The following STXBP4 variants were observed in gnomAD, a reference collection of about 807,000 sequenced individuals.
STXBP4 encodes syntaxin binding protein 4, also known as syntaxin-binding protein 4.
STXBP4 carries 55 observed loss-of-function variants against 76.1 expected under a neutral mutation model. The observed-to-expected ratio is 0.72, with a 90% CI of 0.58 to 0.91. The LOEUF (loss-of-function observed/expected upper bound fraction) is 0.91. Ranked by LOEUF, STXBP4 falls within the 40% of genes least tolerant of loss-of-function variation. The probability of loss-of-function intolerance (pLI) is 0.00; values close to 1 mark genes in which losing one functional copy is unlikely to be tolerated. For missense variants in STXBP4, 618 were observed against 636.9 expected, an observed-to-expected ratio of 0.97 and a Z score of 0.32; for synonymous variants, 201 against 220.2, an observed-to-expected ratio of 0.91 and a Z score of 0.77.
intron 8 of STXBP4, among the ~76,000 whole-genome samples, chr17:55,020,236 C>T (rs1191123203): frequency 1.3e-5 from 2 of 152,168 alleles, no homozygotes; most frequent in Non-Finnish European, 2.9e-5. Flanking sequence ...GCATTTTCAA[C>T]TCTTTCTTCT....
chr17:54,983,326 T>C (rs2077576770), intron 1 of STXBP4, among the ~76,000 whole-genome samples: 1 of 152,218 alleles, frequency 6.6e-6, no homozygotes, highest in Non-Finnish European at 1.5e-5. Context: ...TCTTGTTAAG[T>C]ATATTATATG....
intron 8 of STXBP4, among the ~76,000 whole-genome samples, chr17:55,012,884 T>A (rs2078139334): frequency 6.6e-6 from 1 of 152,172 alleles, no homozygotes; most frequent in South Asian, 2.1e-4. Context: ...AGAAATTATT[T>A]GTTGACAGTT....
chr17:55,090,910 G>C (rs2079405838), intron 16 of STXBP4, among the ~76,000 whole-genome samples: 1 of 150,470 alleles, frequency 6.6e-6, no homozygotes, highest in Non-Finnish European at 1.5e-5. Flanking sequence ...TAAAAAACAA[G>C]AAAGGAATAT....
chr17:55,089,249 A>G (rs775958780), intron 16 of STXBP4, among the ~76,000 whole-genome samples: 2 of 152,158 alleles, frequency 1.3e-5, no homozygotes, highest in Non-Finnish European at 2.9e-5. Flanking sequence ...GTGCCACATT[A>G]TTGTTATTTA....
chr17:55,012,454 C>G (rs529855481), intron 8 of STXBP4, among the ~76,000 whole-genome samples: 104 of 152,170 alleles, frequency 6.8e-4, no homozygotes, highest in Non-Finnish European at 1.0e-3. Context: ...CTTTTCTTTC[C>G]TTTCTGATGA....
chr17:55,102,128 CA>C (rs1307073623), intron 16 of STXBP4, among the ~76,000 whole-genome samples: 45 of 151,280 alleles, frequency 3.0e-4, no homozygotes, highest in African/African-American at 1.1e-3. Flanking sequence ...TGTGAACTCT[CA>C]TTTTTTTTTT....
intron 4 of STXBP4, 104 bp downstream of exon 4, chr17:54,991,061 A>C: frequency 1.6e-6 from 2 of 1,243,316 alleles, no homozygotes; most frequent in Non-Finnish European, 2.1e-6. Context: ...CACTGTGACC[A>C]TACCTCAGTG....
intron 16 of STXBP4, among the ~76,000 whole-genome samples, chr17:55,119,944 T>C (rs984682372): frequency 3.1e-4 from 47 of 152,152 alleles, no homozygotes; most frequent in Admixed American, 3.1e-3. Flanking sequence ...TGTATTTCTT[T>C]GCTTTAATTA....
At chr17:55,095,028 A>T (rs2079466744) in intron 16 of STXBP4, among the ~76,000 whole-genome samples, 2 of 152,226 alleles carry the variant, frequency 1.3e-5, no homozygotes, top group Non-Finnish European at 2.9e-5. Context: ...ACAGCTAGAC[A>T]AGCAAGACTT....
At chr17:55,122,840 A>G (rs2079861835) in intron 16 of STXBP4, among the ~76,000 whole-genome samples, 1 of 152,132 alleles carries the variant, frequency 6.6e-6, no homozygotes, top group African/African-American at 2.4e-5. Context: ...CTTTTGAAGC[A>G]CTCTTTTATA....
chr17:55,068,371 C>T (rs1433143066), intron 12 of STXBP4, among the ~76,000 whole-genome samples: 1 of 152,090 alleles, frequency 6.6e-6, no homozygotes, highest in Non-Finnish European at 1.5e-5. Flanking sequence ...TTAAAAATTG[C>T]AGAACTTTTA....
At chr17:55,131,764 C>T (rs986414662) in intron 16 of STXBP4, among the ~76,000 whole-genome samples, 2 of 152,148 alleles carry the variant, frequency 1.3e-5, no homozygotes, top group African/African-American at 2.4e-5. Flanking sequence ...GTGCTCCCCC[C>T]ACCCACCCCT....
intron 17 of STXBP4, among the ~76,000 whole-genome samples, chr17:55,145,333 C>T (rs1311720016): frequency 7.2e-5 from 11 of 152,144 alleles, no homozygotes; most frequent in African/African-American, 2.7e-4. Context: ...GGACTCAGAT[C>T]ATTGCTCTCT....
At chr17:55,080,474 T>G (rs1457242927) in intron 15 of STXBP4, among the ~76,000 whole-genome samples, 1 of 152,164 alleles carries the variant, frequency 6.6e-6, no homozygotes, top group Non-Finnish European at 1.5e-5. Context: ...TTTAGTGTAA[T>G]TTTTTGAAGA....
At chr17:55,118,101 A>G (rs1056973602) in intron 16 of STXBP4, among the ~76,000 whole-genome samples, 8 of 151,956 alleles carry the variant, frequency 5.3e-5, no homozygotes, top group African/African-American at 1.9e-4. Flanking sequence ...GTATGCAAGG[A>G]TGGATGAAAC....
intron 16 of STXBP4, among the ~76,000 whole-genome samples, chr17:55,126,435 T>TA (rs1461920853): frequency 6.6e-6 from 1 of 152,150 alleles, no homozygotes; most frequent in Non-Finnish European, 1.5e-5. Context: ...TAATACCTTT[T>TA]AAAAAATCAG....
intron 16 of STXBP4, among the ~76,000 whole-genome samples, chr17:55,096,265 C>G (rs765693367): frequency 4.6e-5 from 7 of 152,148 alleles, no homozygotes; most frequent in Non-Finnish European, 7.4e-5. Flanking sequence ...AGGTGATCCT[C>G]CCACCTCAGC....
Position 54,968,773 on chromosome 17 carries a change from G to T in STXBP4, c.-199G>T. The T allele has an allele frequency of 8.7e-7, 1 of 1,148,118 alleles. No individual in the cohort carries two copies. Among genetic ancestry groups the T allele is most frequent in the Admixed American group, 2.3e-5 (1 of 42,856 alleles). The allele number at this position is 1,148,118 out of a possible 1,614,324, so 71.1% of individuals were successfully genotyped here. A position where few individuals can be genotyped will look rare whatever the true frequency, so the allele number is the denominator to read the frequency against. Reference sequence around the variant, plus strand: ...TGGCTACCAGGCTCCTCAGGTGGCAGCGCTTGCAGTCGGGCTACGGAGGCC... The same window carrying T: ...TGGCTACCAGGCTCCTCAGGTGGCATCGCTTGCAGTCGGGCTACGGAGGCC... On this transcript the variant is annotated 5_prime_UTR_variant, in exon 1 of 18. Transcript: ENST00000376352.
intron 17 of STXBP4, among the ~76,000 whole-genome samples, chr17:55,148,506 T>C (rs1254150848): frequency 6.6e-6 from 1 of 152,192 alleles, no homozygotes; most frequent in Non-Finnish European, 1.5e-5. Context: ...ACTTTTAGCT[T>C]TTTCTAAATC....
Sources: allele counts gnomAD v4.1 joint callset (sites outside exome capture counted in the v4.1 genomes callset), GRCh38; gene constraint gnomAD v4.1.1; transcripts MANE v1.5; gene names NCBI Gene and HGNC (gene_info 2026-07-23, HGNC 2026-07-21).